Variants in SNX18 observed in about 807,000 individuals in gnomAD.
The protein encoded by SNX18 is sorting nexin-18.
SNX18 carries 35 observed loss-of-function variants against 48.7 expected under a neutral mutation model. The ratio of observed to expected loss-of-function variants is 0.72; its 90% confidence interval spans 0.55 to 0.95. The LOEUF is 0.95. Ranked by LOEUF, SNX18 falls within the 40% of genes least tolerant of loss-of-function variation. The pLI, the probability that SNX18 is intolerant of heterozygous loss-of-function variation, is 0.00. For synonymous variants in SNX18, 492 were observed against 384.7 expected, an observed-to-expected ratio of 1.28 and a Z score of -3.26; for missense variants, 824 against 871.0, an observed-to-expected ratio of 0.95 and a Z score of 0.68.
At chr5:54,637,331 A>G in the SNX18 span, among the ~76,000 whole-genome samples, 4 of 152,254 alleles carry the variant, frequency 2.6e-5, no homozygotes, top group Non-Finnish European at 5.9e-5. Context: ...ATAAAATATT[A>G]TCTTTCAACC....
the SNX18 span, among the ~76,000 whole-genome samples, chr5:54,602,109 T>G: frequency 6.6e-6 from 1 of 152,158 alleles, no homozygotes; most frequent in East Asian, 1.9e-4. Flanking sequence ...ATGGCCCTAC[T>G]GGAATGGCCA....
chr5:54,525,081 TG>T (rs1762106116), intron 1 of SNX18, among the ~76,000 whole-genome samples: 1 of 152,242 alleles, frequency 6.6e-6, no homozygotes. Context: ...GGCCAGTGTG[TG>T]GGCATGGAGG....
At chr5:54,553,964 A>G in the SNX18 span, among the ~76,000 whole-genome samples, 15 of 152,300 alleles carry the variant, frequency 9.8e-5, no homozygotes, top group East Asian at 2.9e-3. Context: ...ACTGTTCACA[A>G]TTCTTTTGGA....
the SNX18 span, among the ~76,000 whole-genome samples, chr5:54,591,335 T>A: frequency 3.9e-5 from 6 of 152,040 alleles, no homozygotes; most frequent in African/African-American, 1.4e-4. Context: ...CTGCTGTACA[T>A]CTCCTGGCTA....
At chr5:54,595,093 T>A in the SNX18 span, among the ~76,000 whole-genome samples, 1 of 152,232 alleles carries the variant, frequency 6.6e-6, no homozygotes, top group South Asian at 2.1e-4. Flanking sequence ...CTAGGTTGAT[T>A]CCATGTCTTT....
Position 54,518,984 on chromosome 5 carries a change from C to G in SNX18, c.1032C>G (p.Phe344Leu). ...HLPEKQATGR[F>L]EEDFISKRRK... ...CCGAGAAGCAGGCCACCGGCCGCTT[C>G]GAGGAGGACTTCATCTCTAAGCGCA... Residue 344 changes from phenylalanine (F) to leucine (L), a missense_variant, in exon 1 of 2, where the codon TTC becomes TTG. Physicochemically the swap from Phe to Leu is conservative, Grantham distance 22. This residue lies in a region of SNX18 where 443 missense variants were observed against 503.6 expected (regional missense o/e 0.88). Coordinates refer to ENST00000381410, the MANE Select transcript of SNX18 (RefSeq NM_001102575.2). 6.2e-7 allele frequency: 1 copy of G among 1,613,472 alleles called. No individual in the cohort carries two copies. Among genetic ancestry groups the G allele is most frequent in the Non-Finnish European group, 8.5e-7 (1 of 1,179,906 alleles).
chr5:54,620,945 A>G, the SNX18 span, among the ~76,000 whole-genome samples: 3 of 152,254 alleles, frequency 2.0e-5, no homozygotes, highest in African/African-American at 7.2e-5. Flanking sequence ...TTTAACCTTA[A>G]TTACCTCTTT....
At chr5:54,613,253 T>C in the SNX18 span, among the ~76,000 whole-genome samples, 1 of 152,132 alleles carries the variant, frequency 6.6e-6, no homozygotes, top group Non-Finnish European at 1.5e-5. Context: ...TTCCTGAAAC[T>C]ACGTAATTTA....
chr5:54,625,752 T>C, the SNX18 span, among the ~76,000 whole-genome samples: 1 of 152,128 alleles, frequency 6.6e-6, no homozygotes, highest in African/African-American at 2.4e-5. Context: ...ATATTCCATT[T>C]CTCTGACTGC....
intron 1 of SNX18, chr5:54,520,075 C>T: frequency 2.3e-6 from 1 of 436,606 alleles, no homozygotes; most frequent in Non-Finnish European, 4.2e-6. Context: ...GATCAATTCT[C>T]TGAGTTTAAG....
the SNX18 span, among the ~76,000 whole-genome samples, chr5:54,560,525 C>A: frequency 6.6e-6 from 1 of 152,092 alleles, no homozygotes; most frequent in Non-Finnish European, 1.5e-5. Context: ...CTAATGGGTA[C>A]TAGGCTTAAT....
chr5:54,603,093 A>G, the SNX18 span, among the ~76,000 whole-genome samples: 2 of 152,126 alleles, frequency 1.3e-5, no homozygotes, highest in African/African-American at 2.4e-5. Context: ...TTCATCAACC[A>G]ATTATTACAC....
chr5:54,596,535 T>C, the SNX18 span, among the ~76,000 whole-genome samples: 1 of 152,160 alleles, frequency 6.6e-6, no homozygotes, highest in Non-Finnish European at 1.5e-5. Flanking sequence ...AGATGATTAA[T>C]AAATGAAGAA....
the SNX18 span, among the ~76,000 whole-genome samples, chr5:54,610,459 C>T: frequency 2.6e-5 from 4 of 152,206 alleles, no homozygotes; most frequent in Non-Finnish European, 5.9e-5. Context: ...ACACAGCATC[C>T]TGGGCTGGCC....
Position 54,519,315 on chromosome 5 carries a change from A to G in SNX18, c.1363A>G (p.Lys455Glu), listed in dbSNP as rs1487759734. Residue 455 changes from lysine (K) to glutamate (E), a missense_variant, in exon 1 of 2, where the codon AAG (lysine) becomes GAG (glutamate). Around this residue, in one of 3 missense-constraint regions of SNX18, gnomAD observed 443 missense variants for 503.6 expected, o/e 0.88. Coordinates refer to ENST00000381410, the MANE Select transcript of SNX18 (RefSeq NM_001102575.2). ...CCACACGGCCAACGAGTTCGCGCGC[A>G]AGCAGGTGACCGGCTTCAAAAAGGA... ...LNHTANEFAR[K>E]QVTGFKKEYQ... 1 of 1,613,962 alleles carries G rather than the reference A, an allele frequency of 6.2e-7. No individual in the cohort carries two copies. The highest frequency in any genetic ancestry group is 1.1e-5 in the South Asian group (1 of 91,078).
At chr5:54,542,303 G>A (rs1331279800) in intron 1 of SNX18, among the ~76,000 whole-genome samples, 1 of 152,146 alleles carries the variant, frequency 6.6e-6, no homozygotes, top group Admixed American at 6.5e-5. Flanking sequence ...CCCCACCCCT[G>A]CAACACCCTC....
rs140696753 is a variant in SNX18 at position 54,539,459 on chromosome 5, C to T, written c.1622-3720C>T. On this transcript the variant is annotated intron_variant, in intron 1 of 1. Transcript: ENST00000381410. The stretch of plus-strand genomic sequence containing the variant: ...GTTCAGATATTCTATTCCCTGCCCT[C>T]CACCCTGCCACCATCCATAGTGCAG... Among the ~76,000 whole-genome samples the T allele has an allele frequency of 4.6e-3, 696 of 152,324 alleles. 3 individuals are homozygous for T. The highest frequency in any genetic ancestry group is 0.016 in the African/African-American group (663 of 41,560).
chr5:54,601,891 A>T, the SNX18 span, among the ~76,000 whole-genome samples: 505 of 152,330 alleles, frequency 3.3e-3, 1 homozygote, highest in South Asian at 1.0e-2. Context: ...TTTAAAGAAA[A>T]AAAAGGGCAC....
At chr5:54,627,062 C>T in the SNX18 span, among the ~76,000 whole-genome samples, 1 of 152,152 alleles carries the variant, frequency 6.6e-6, no homozygotes, top group Admixed American at 6.5e-5. Flanking sequence ...CTGTTGTGTT[C>T]TCATAGAGCA....
Sources: allele counts gnomAD v4.1 joint callset (sites outside exome capture counted in the v4.1 genomes callset), GRCh38; gene constraint gnomAD v4.1.1; regional missense constraint gnomAD v4.1.1; transcripts MANE v1.5; gene names NCBI Gene and HGNC (gene_info 2026-07-23, HGNC 2026-07-21).